Variants in CHRNB2 observed in about 807,000 individuals in gnomAD.
CHRNB2 encodes neuronal acetylcholine receptor subunit beta-2.
CHRNB2 carries 33 observed loss-of-function variants against 42.7 expected under a neutral mutation model. The observed-to-expected ratio is 0.77, with a 90% CI of 0.59 to 1.03. The LOEUF (loss-of-function observed/expected upper bound fraction) is 1.03. Ranked by LOEUF, CHRNB2 falls within the 50% of genes least tolerant of loss-of-function variation. The pLI is 0.00. For synonymous variants in CHRNB2, 325 were observed against 292.9 expected (o/e 1.11, Z -1.12); for missense variants, 603 against 700.9 (o/e 0.86, Z 1.58).
chr1:154,570,484 T>A (rs920790070), intron 4 of CHRNB2, 117 bp downstream of exon 4: 2 of 712,222 alleles, frequency 2.8e-6, no homozygotes, highest in East Asian at 5.4e-5. Flanking sequence ...ATAATAGATA[T>A]GTAGTCACTA....
chr1:154,572,501 C>T (rs1283642270), intron 5 of CHRNB2, among the ~76,000 whole-genome samples: 1 of 152,092 alleles, frequency 6.6e-6, no homozygotes, highest in African/African-American at 2.4e-5. Flanking sequence ...AGCCTGTGGC[C>T]GTGACCCCGA....
intron 5 of CHRNB2, among the ~76,000 whole-genome samples, chr1:154,573,600 A>G (rs1447526191): frequency 6.6e-6 from 1 of 152,178 alleles, no homozygotes; most frequent in Non-Finnish European, 1.5e-5. Context: ...TGGTTCTAGG[A>G]CATCATCAGC....
chr1:154,573,543 G>A (rs1696215197), intron 5 of CHRNB2, among the ~76,000 whole-genome samples: 3 of 152,090 alleles, frequency 2.0e-5, no homozygotes, highest in Admixed American at 2.0e-4. Context: ...CAACCCCAAA[G>A]TCATTCTCAG....
rs1696270282 is a variant in CHRNB2, at chr1:154,576,092, C to T, written c.*160C>T. On this transcript the variant is annotated 3_prime_UTR_variant, in exon 6 of 6. Transcript: ENST00000368476. The stretch of plus-strand genomic sequence containing the variant: ...GTCCCTCCTCCCCCACGCCTCCATC[C>T]ACACACAGCAGCTCCAACCTGGAGG... 1 of 851,604 alleles carries T rather than the reference C, an allele frequency of 1.2e-6. No homozygotes were observed. The highest frequency in any genetic ancestry group is 1.9e-6 in the Non-Finnish European group (1 of 527,560). The allele number at this position is 851,604 out of a possible 1,614,324, so 52.8% of individuals were successfully genotyped here.
At position 154,572,007 on chromosome 1, in the gene CHRNB2, C is replaced by G; in HGVS notation, c.1184C>G (p.Ser395Trp). The G allele has an allele frequency of 6.5e-7, 1 of 1,534,906 alleles. No individual in the cohort carries two copies. The highest frequency in any genetic ancestry group is 8.7e-7 in the Non-Finnish European group (1 of 1,145,418). The change falls in exon 5 of 6, where the codon TCG becomes TGG. Residue 395 changes from serine (S) to tryptophan (W), a missense_variant. Ser to Trp is a radical substitution (Grantham distance 177). Transcript: ENST00000368476. ...TGCACGTGCTTCGTCAACCGCGCGT[C>G]GGTGCAGGGGTTGGCCGGGGCCTTC... ...DSCTCFVNRA[S>W]VQGLAGAFGA...
At position 154,575,851 on chromosome 1, in the gene CHRNB2, C is replaced by T; in HGVS notation, c.1428C>T (p.Gly476=). The T allele has an allele frequency of 1.2e-6, 2 of 1,614,150 alleles. No homozygotes were observed. Among genetic ancestry groups the T allele is most frequent in the African/African-American group, 1.3e-5 (1 of 75,014 alleles). The change falls in exon 6 of 6, where the codon GGC becomes GGT. Residue 476 remains glycine (G), a synonymous_variant. Coordinates refer to ENST00000368476, the MANE Select transcript of CHRNB2 (RefSeq NM_000748.3). ...FVFVCVFGTI[G]MFLQPLFQNY... ...TTGTCTGTGTCTTTGGCACCATCGGCATGTTCCTGCAGCCTCTCTTCCAGA... is the reference window on the plus strand; with the variant it reads ...TTGTCTGTGTCTTTGGCACCATCGGTATGTTCCTGCAGCCTCTCTTCCAGA...
intron 5 of CHRNB2, among the ~76,000 whole-genome samples, chr1:154,572,507 C>T (rs1347187762): frequency 6.6e-6 from 1 of 152,106 alleles, no homozygotes; most frequent in East Asian, 1.9e-4. Context: ...TGGCCGTGAC[C>T]CCGAGAGTCC....
In CHRNB2 at chr1:154,577,976, A is replaced by AC. The variant is rs917409903; in HGVS notation, c.*2045dup. On this transcript the variant is annotated 3_prime_UTR_variant, in exon 6 of 6. Transcript: ENST00000368476. ...GACAGGAAGCCAGTGGCTGCAGGAG[A>AC]CAGGCCTCAGCGCATCTCGTCTGTC... The AC allele has an allele frequency of 3.3e-5, 5 of 152,336 alleles. No homozygotes were observed. The highest frequency in any genetic ancestry group is 1.2e-4 in the African/African-American group (5 of 41,452). 9.4% of individuals were successfully genotyped at this position (152,336 alleles called of 1,614,324 possible).
chr1:154,571,805 A>G lies in CHRNB2; in HGVS notation c.982A>G (p.Thr328Ala). 1 of 1,613,974 alleles carries G rather than the reference A, an allele frequency of 6.2e-7. No homozygotes were observed. Among genetic ancestry groups the G allele is most frequent in the Non-Finnish European group, 8.5e-7 (1 of 1,180,002 alleles). The change falls in exon 5 of 6, where the codon ACG (threonine) becomes GCG (alanine). Residue 328 changes from threonine (T) to alanine (A), a missense_variant. Around this residue, in one of 2 missense-constraint regions of CHRNB2, gnomAD observed 333 missense variants for 452.6 expected, o/e 0.74. Coordinates refer to ENST00000368476, the MANE Select transcript of CHRNB2 (RefSeq NM_000748.3). This position sits in a 1 kb window ranked among gnomAD's most constrained non-coding sequence, Gnocchi z 6.8. ...CAACGTGCACCACCGCTCGCCCACC[A>G]CGCACACCATGGCGCCCTGGGTGAA... The part of the protein sequence containing the change: ...VLNVHHRSPT[T>A]HTMAPWVKVV...
chr1:154,574,725 G>A (rs943135318), intron 5 of CHRNB2, among the ~76,000 whole-genome samples: 12 of 152,198 alleles, frequency 7.9e-5, no homozygotes, highest in Admixed American at 5.9e-4. Context: ...ACCTCCCTCA[G>A]TAGACTGTAA....
Position 154,577,995 on chromosome 1 carries a change from G to A in CHRNB2, c.*2063G>A, listed in dbSNP as rs760738801. On this transcript the variant is annotated 3_prime_UTR_variant, in exon 6 of 6. Transcript: ENST00000368476. ...CAGGAGACAGGCCTCAGCGCATCTC[G>A]TCTGTCAGGATGGGCTCACGGACAC... is the stretch of plus-strand genomic sequence containing the variant. 2.6e-5 allele frequency: 4 copies of A among 152,354 alleles called. No individual in the cohort carries two copies. Among genetic ancestry groups the A allele is most frequent in the African/African-American group, 4.8e-5 (2 of 41,452 alleles). The allele number at this position is 152,354 out of a possible 1,614,324, so 9.4% of individuals were successfully genotyped here.
Position 154,569,841 on chromosome 1 carries a change from G to A in CHRNB2, c.255+5G>A. ...ACCAATGTCTGGCTGACCCAGGTAA[G>A]CGTAAGTGCTCTCTTCCACCCACAC... On this transcript the variant is annotated splice_donor_5th_base_variant and intron_variant, in intron 3 of 5. Transcript: ENST00000368476. 6.2e-7 allele frequency: 1 copy of A among 1,614,064 alleles called. No homozygotes were observed.
In CHRNB2 at chr1:154,570,258, G is replaced by A. The variant is rs1696137421; in HGVS notation, c.256G>A (p.Glu86Lys). 6.2e-7 allele frequency: 1 copy of A among 1,603,664 alleles called. No individual in the cohort carries two copies. Among genetic ancestry groups the A allele is most frequent in the Non-Finnish European group, 8.5e-7 (1 of 1,172,390 alleles). Reference sequence around the variant, plus strand: ...ACTGCCTCCCTCTCTCATTTCCCAGGAGTGGGAAGATTATCGCCTCACCTG... The same window carrying A: ...ACTGCCTCCCTCTCTCATTTCCCAGAAGTGGGAAGATTATCGCCTCACCTG... ...IMTTNVWLTQ[E>K]WEDYRLTWKP... The change falls in exon 4 of 6, where the codon GAG (glutamate) becomes AAG (lysine). Residue 86 changes from glutamate to lysine, a missense_variant and splice_region_variant. Glu to Lys is a moderately conservative substitution (Grantham distance 56). This residue lies in a region of CHRNB2 where 333 missense variants were observed against 452.6 expected (regional missense o/e 0.74). Transcript: ENST00000368476.
Position 154,578,395 on chromosome 1 carries a change from C to G in CHRNB2, c.*2463C>G, listed in dbSNP as rs200314406. 6.6e-6 allele frequency: 1 copy of G among 152,272 alleles called. No individual in the cohort carries two copies. Among genetic ancestry groups the G allele is most frequent in the Non-Finnish European group, 1.5e-5 (1 of 68,058 alleles). 9.4% of individuals were successfully genotyped at this position (152,272 alleles called of 1,614,324 possible). A position where few individuals can be genotyped will look rare whatever the true frequency, so the allele number is the denominator to read the frequency against. On this transcript the variant is annotated 3_prime_UTR_variant, in exon 6 of 6. Coordinates refer to ENST00000368476, the MANE Select transcript of CHRNB2 (RefSeq NM_000748.3). ...ATGACCCGGTTAACACACGAGTAAA[C>G]AGGCCTAGAGCTTGTCTGCTGTTTG...
At position 154,569,494 on chromosome 1, in the gene CHRNB2, G is replaced by C; in HGVS notation, c.97G>C (p.Val33Leu). The change falls in exon 2 of 6, where the codon GTG (valine) becomes CTG (leucine). Residue 33 changes from valine (V) to leucine (L), a missense_variant. Around this residue, in one of 2 missense-constraint regions of CHRNB2, gnomAD observed 333 missense variants for 452.6 expected, o/e 0.74. Coordinates refer to ENST00000368476, the MANE Select transcript of CHRNB2 (RefSeq NM_000748.3). ...VWGTDTEERL[V>L]EHLLDPSRYN... Reference sequence around the variant, plus strand: ...GGGTACGGATACAGAGGAGCGGCTGGTGGAGCATCTCCTGGATCCTTCCCG... The same window carrying C: ...GGGTACGGATACAGAGGAGCGGCTGCTGGAGCATCTCCTGGATCCTTCCCG... 6.2e-7 allele frequency: 1 copy of C among 1,613,966 alleles called. No homozygotes were observed. The highest frequency in any genetic ancestry group is 1.3e-5 in the African/African-American group (1 of 74,982).
intron 5 of CHRNB2, among the ~76,000 whole-genome samples, chr1:154,574,839 G>A (rs367781956): frequency 2.4e-4 from 37 of 152,264 alleles, no homozygotes; most frequent in African/African-American, 8.9e-4. Flanking sequence ...TTCAGCTGCT[G>A]ACTAAATAAA....
At position 154,568,022 on chromosome 1, in the gene CHRNB2, A is replaced by G; in HGVS notation, c.-23A>G. The G allele has an allele frequency of 1.9e-6, 3 of 1,560,130 alleles. No homozygotes were observed. The highest frequency in any genetic ancestry group is 2.6e-6 in the Non-Finnish European group (3 of 1,157,228). On this transcript the variant is annotated 5_prime_UTR_variant, in exon 1 of 6. Transcript: ENST00000368476. ...CGGCGCGCTCCAGCCGGTGTAGGCG[A>G]GGCAGCGAGCTATGCCCGCGGCATG...
chr1:154,568,672 A>G (rs1696105871), intron 1 of CHRNB2, among the ~76,000 whole-genome samples: 1 of 151,872 alleles, frequency 6.6e-6, no homozygotes, highest in East Asian at 2.0e-4. Flanking sequence ...ACTAGGAAGG[A>G]ACTCTCTGAG....
chr1:154,576,991 CTT>C lies in CHRNB2; in HGVS notation c.*1061_*1062del, dbSNP rs2101529507. ...TGTTAGCTTTAAGCCAACCCAGCCTCTTTGTCCACAGCAGAGCTGAGGTGAAC... is the reference window on the plus strand; with the variant it reads ...TGTTAGCTTTAAGCCAACCCAGCCTCTGTCCACAGCAGAGCTGAGGTGAAC... On this transcript the variant is annotated 3_prime_UTR_variant, in exon 6 of 6. Coordinates refer to ENST00000368476, the MANE Select transcript of CHRNB2 (RefSeq NM_000748.3). 6.6e-6 allele frequency: 1 copy of C among 152,268 alleles called. No individual in the cohort carries two copies. Among genetic ancestry groups the C allele is most frequent in the East Asian group, 1.9e-4 (1 of 5,198 alleles). 9.4% of individuals were successfully genotyped at this position (152,268 alleles called of 1,614,324 possible).
Sources: allele counts gnomAD v4.1 joint callset (sites outside exome capture counted in the v4.1 genomes callset), GRCh38; gene constraint gnomAD v4.1.1; regional missense constraint gnomAD v4.1.1; non-coding constraint Gnocchi (gnomAD v3.1); transcripts MANE v1.5; gene names NCBI Gene and HGNC (gene_info 2026-07-23, HGNC 2026-07-21).